Variants in SLC4A4 observed in about 807,000 individuals in gnomAD.
SLC4A4 encodes the protein solute carrier family 4 member 4.
Under a neutral mutation model 111.5 loss-of-function variants are expected in SLC4A4, and 27 were observed. That is an observed-to-expected ratio of 0.24 (90% CI 0.18 to 0.33). SLC4A4 has a LOEUF of 0.33. SLC4A4 is among the 10% of genes least tolerant of loss of function. The pLI is 1.00. For missense variants in SLC4A4, 909 were observed against 1,315.5 expected, an observed-to-expected ratio of 0.69 and a Z score of 4.78; for synonymous variants, 443 against 463.4, an observed-to-expected ratio of 0.96 and a Z score of 0.57.
intron 14 of SLC4A4, among the ~76,000 whole-genome samples, chr4:71,484,081 T>C (rs1273026906): frequency 6.6e-6 from 1 of 152,026 alleles, no homozygotes; most frequent in Non-Finnish European, 1.5e-5. Flanking sequence ...TAGGCCTTTG[T>C]CAGATGCATA....
chr4:71,416,734 A>C (rs1031154312), intron 7 of SLC4A4, among the ~76,000 whole-genome samples: 4 of 152,078 alleles, frequency 2.6e-5, no homozygotes, highest in African/African-American at 9.7e-5. Context: ...TAGAATTATT[A>C]TTGAAGCTCT....
intron 2 of SLC4A4, among the ~76,000 whole-genome samples, chr4:71,142,030 T>C (rs1744011391): frequency 6.6e-6 from 1 of 152,224 alleles, no homozygotes; most frequent in Non-Finnish European, 1.5e-5. Flanking sequence ...GAATACAAAA[T>C]TGCATCAGAC....
chr4:71,234,958 GA>G (rs1719703222), intron 1 of SLC4A4, among the ~76,000 whole-genome samples: 1 of 152,088 alleles, frequency 6.6e-6, no homozygotes. Context: ...TGGTCAGGGT[GA>G]AAAGGAAGGA....
intron 12 of SLC4A4, among the ~76,000 whole-genome samples, chr4:71,463,675 C>T (rs866652811): frequency 6.6e-6 from 1 of 152,102 alleles, no homozygotes; most frequent in African/African-American, 2.4e-5. Context: ...TTATCTTTAC[C>T]GAATGAGCAA....
intron 15 of SLC4A4, among the ~76,000 whole-genome samples, chr4:71,495,826 C>T (rs901872795): frequency 6.6e-6 from 1 of 151,972 alleles, no homozygotes; most frequent in African/African-American, 2.4e-5. Context: ...TCCATTAGCC[C>T]TGGACCTAAG....
chr4:71,419,829 G>A lies in SLC4A4; in HGVS notation c.808-20787G>A, dbSNP rs149227738. Reference sequence around the variant, plus strand: ...TGTAGACCGGAGCTGTTCCTATTCGGCCATCTTGGCTCCTCACCATCATCA... The same window carrying A: ...TGTAGACCGGAGCTGTTCCTATTCGACCATCTTGGCTCCTCACCATCATCA... On this transcript the variant is annotated intron_variant, in intron 7 of 25. Transcript: ENST00000264485. Among the ~76,000 whole-genome samples the A allele has an allele frequency of 2.6e-3, 396 of 152,074 alleles. 1 individual carries two copies. Among genetic ancestry groups the A allele is most frequent in the African/African-American group, 8.9e-3 (369 of 41,514 alleles).
chr4:71,144,793 A>T (rs1458698628), intron 2 of SLC4A4, among the ~76,000 whole-genome samples: 1 of 152,090 alleles, frequency 6.6e-6, no homozygotes, highest in Non-Finnish European at 1.5e-5. Context: ...TTGCACATTG[A>T]TTTTGTATCC....
At chr4:71,197,200 G>C (rs1218808396) in intron 1 of SLC4A4, among the ~76,000 whole-genome samples, 1 of 152,100 alleles carries the variant, frequency 6.6e-6, no homozygotes, top group Non-Finnish European at 1.5e-5. Flanking sequence ...GGGCGACAGA[G>C]CGAGATTCCG....
At chr4:71,153,386 C>CCAAT (rs1744369553) in intron 2 of SLC4A4, among the ~76,000 whole-genome samples, 1 of 152,074 alleles carries the variant, frequency 6.6e-6, no homozygotes, top group Non-Finnish European at 1.5e-5. Flanking sequence ...ATCCTTCAAT[C>CCAAT]CAATCAAGTT....
At chr4:71,510,485 A>G (rs889277256) in intron 16 of SLC4A4, among the ~76,000 whole-genome samples, 3 of 152,094 alleles carry the variant, frequency 2.0e-5, no homozygotes, top group Non-Finnish European at 4.4e-5. Flanking sequence ...TCCCTTTATC[A>G]TTATATGATG....
chr4:71,357,880 T>G (rs1730426200), intron 6 of SLC4A4, among the ~76,000 whole-genome samples: 1 of 152,160 alleles, frequency 6.6e-6, no homozygotes, highest in South Asian at 2.1e-4. Flanking sequence ...TCAAATAAAT[T>G]TCATGATTGG....
At chr4:71,160,213 T>A (rs1436069910) in intron 2 of SLC4A4, among the ~76,000 whole-genome samples, 12 of 152,208 alleles carry the variant, frequency 7.9e-5, no homozygotes, top group African/African-American at 2.4e-4. Context: ...GATTCTATAG[T>A]TACTAATCTT....
At chr4:71,388,491 G>A (rs1322011147) in intron 6 of SLC4A4, among the ~76,000 whole-genome samples, 7 of 152,138 alleles carry the variant, frequency 4.6e-5, no homozygotes, top group African/African-American at 1.4e-4. Context: ...GTGAGAAAGA[G>A]CATGAAATAT....
intron 7 of SLC4A4, among the ~76,000 whole-genome samples, chr4:71,404,664 A>G (rs547940972): frequency 6.6e-6 from 1 of 152,310 alleles, no homozygotes; most frequent in East Asian, 1.9e-4. Context: ...GACTTCATAA[A>G]AGAAACGAGC....
At chr4:71,162,649 C>T (rs1744643244) in intron 2 of SLC4A4, among the ~76,000 whole-genome samples, 1 of 152,126 alleles carries the variant, frequency 6.6e-6, no homozygotes. Context: ...AAGAGATTAG[C>T]TCAGGAAAGA....
intron 2 of SLC4A4, 49 bp downstream of exon 2, chr4:71,236,698 T>G: frequency 7.1e-7 from 1 of 1,415,668 alleles, no homozygotes; most frequent in Non-Finnish European, 1.0e-6. Context: ...CATATGTCTC[T>G]ATAGATAATA....
At chr4:71,309,869 T>C (rs1725998294) in intron 3 of SLC4A4, among the ~76,000 whole-genome samples, 1 of 151,732 alleles carries the variant, frequency 6.6e-6, no homozygotes, top group South Asian at 2.1e-4. Context: ...AGAAAGTGGG[T>C]AATAATAAAC....
chr4:71,187,836 G>A (rs1242848226), intron 1 of SLC4A4, among the ~76,000 whole-genome samples: 1 of 152,122 alleles, frequency 6.6e-6, no homozygotes, highest in Non-Finnish European at 1.5e-5. Context: ...CACAGGGGGA[G>A]ATTTGGGGAC....
chr4:71,183,798 C>T (rs922434640), upstream of SLC4A4, among the ~76,000 whole-genome samples: 2 of 152,154 alleles, frequency 1.3e-5, no homozygotes, highest in Non-Finnish European at 2.9e-5. Context: ...GTCAGACTTT[C>T]GCCAATGAAC....
Sources: gnomAD v4.1 joint callset for allele counts (sites outside exome capture counted in the v4.1 genomes callset) on GRCh38, gnomAD v4.1.1 for gene constraint, MANE v1.5 for transcripts, NCBI Gene and HGNC (gene_info 2026-07-23, HGNC 2026-07-21) for gene names.